Variants in PRKCB observed in about 807,000 individuals in gnomAD.
PRKCB encodes protein kinase C beta, also known as protein kinase C beta type.
In PRKCB, 13 loss-of-function variants were observed where a neutral mutation model predicts 81.5. The ratio of observed to expected loss-of-function variants is 0.16; its 90% CI spans 0.10 to 0.25. The LOEUF (loss-of-function observed/expected upper bound fraction) is 0.25, where lower values mean the gene tolerates loss of function less well. Ranked by LOEUF, PRKCB falls within the 10% of genes least tolerant of loss-of-function variation. PRKCB has a pLI of 1.00. For synonymous variants in PRKCB, 335 were observed against 321.4 expected, an observed-to-expected ratio of 1.04 and a Z score of -0.45; for missense variants, 509 against 875.7, an observed-to-expected ratio of 0.58 and a Z score of 5.29.
intron 7 of PRKCB, among the ~76,000 whole-genome samples, chr16:24,108,401 G>A (rs1313548787): frequency 1.4e-5 from 2 of 143,690 alleles, no homozygotes; most frequent in Non-Finnish European, 3.0e-5. Context: ...TTCTCACAGA[G>A]GGGGATTTGG....
chr16:24,096,446 T>C (rs1966439583), intron 7 of PRKCB, among the ~76,000 whole-genome samples: 1 of 151,792 alleles, frequency 6.6e-6, no homozygotes, highest in Non-Finnish European at 1.5e-5. Flanking sequence ...GTTCCATGAC[T>C]GGCTCCATGG....
In PRKCB at chr16:24,185,187, G is replaced by A; in HGVS notation, c.1610G>A (p.Gly537Glu). The change falls in exon 14 of 17, where the codon GGG (glycine) becomes GAG (glutamate). Residue 537 changes from glycine to glutamate, a missense_variant. Coordinates refer to ENST00000643927, the MANE Select transcript of PRKCB (RefSeq NM_002738.7). The stretch of plus-strand genomic sequence containing the variant: ...GTCCTGCTGTATGAAATGTTGGCTG[G>A]GCAGGTAATTGAATTTTAAGTGATC... ...FGVLLYEMLA[G>E]QAPFEGEDED... 6.2e-7 allele frequency: 1 copy of A among 1,613,602 alleles called. No individual in the cohort carries two copies. Among genetic ancestry groups the A allele is most frequent in the South Asian group, 1.1e-5 (1 of 91,038 alleles).
At chr16:23,896,029 T>C (rs1304374364) in intron 2 of PRKCB, among the ~76,000 whole-genome samples, 1 of 152,182 alleles carries the variant, frequency 6.6e-6, no homozygotes, top group Non-Finnish European at 1.5e-5. Context: ...CTATTTTTTC[T>C]TTAAATTATG....
At position 24,218,792 on chromosome 16, in the gene PRKCB, T is replaced by A; in HGVS notation, c.*3976T>A. 1 of 985,342 alleles carries A rather than the reference T, an allele frequency of 1.0e-6. No individual in the cohort carries two copies. The highest frequency in any genetic ancestry group is 1.2e-6 in the Non-Finnish European group (1 of 829,922). The allele number at this position is 985,342 out of a possible 1,614,324, so 61.0% of individuals were successfully genotyped here. A position where few individuals can be genotyped will look rare whatever the true frequency, so the allele number is the denominator to read the frequency against. Reference sequence around the variant, plus strand: ...GGCAACTTTGGCTGCAGCCCGGGAATGTGCAGGGCACTAGGGAATACAAGG... The same window carrying A: ...GGCAACTTTGGCTGCAGCCCGGGAAAGTGCAGGGCACTAGGGAATACAAGG... On this transcript the variant is annotated 3_prime_UTR_variant, in exon 17 of 17. Transcript: ENST00000643927.
At chr16:24,090,372 C>T (rs557352313) in intron 5 of PRKCB, among the ~76,000 whole-genome samples, 1 of 152,312 alleles carries the variant, frequency 6.6e-6, no homozygotes, top group East Asian at 1.9e-4. Flanking sequence ...CAACCCCTTA[C>T]TAGCTGTATC....
chr16:24,015,855 G>T (rs1965271320), intron 3 of PRKCB, among the ~76,000 whole-genome samples: 1 of 152,188 alleles, frequency 6.6e-6, no homozygotes, highest in South Asian at 2.1e-4. Flanking sequence ...AGCTGTAGTA[G>T]AAGGAATTGG....
intron 5 of PRKCB, among the ~76,000 whole-genome samples, chr16:24,079,956 C>T (rs1320553059): frequency 1.3e-5 from 2 of 152,074 alleles, no homozygotes; most frequent in East Asian, 3.9e-4. Context: ...TGTCAGTCGC[C>T]TTTTTCGTCA....
chr16:23,900,148 TG>T (rs1380869624), intron 2 of PRKCB, among the ~76,000 whole-genome samples: 3 of 152,206 alleles, frequency 2.0e-5, no homozygotes, highest in Non-Finnish European at 4.4e-5. Context: ...GGGATGCTAC[TG>T]AACAAAATAT....
intron 2 of PRKCB, among the ~76,000 whole-genome samples, chr16:23,929,562 T>A (rs997144133): frequency 4.6e-5 from 7 of 152,142 alleles, no homozygotes; most frequent in African/African-American, 1.7e-4. Context: ...GACCCCTCAG[T>A]ACATGTTAAC....
intron 2 of PRKCB, among the ~76,000 whole-genome samples, chr16:23,905,894 T>C (rs900514679): frequency 4.2e-5 from 6 of 143,614 alleles, no homozygotes; most frequent in African/African-American, 1.5e-4. Flanking sequence ...TAGAGCTGCC[T>C]CATACTCCTC....
chr16:23,839,279 CT>C (rs10657212), intron 2 of PRKCB, among the ~76,000 whole-genome samples: 4 of 137,118 alleles, frequency 2.9e-5, no homozygotes, highest in Admixed American at 7.5e-5. Context: ...ATAGGAGTGT[CT>C]TTTTTTTTTT....
chr16:24,076,030 G>A (rs969826989), intron 5 of PRKCB, among the ~76,000 whole-genome samples: 1 of 152,170 alleles, frequency 6.6e-6, no homozygotes, highest in African/African-American at 2.4e-5. Context: ...CCATGTTGGT[G>A]TGCTGCACCC....
intron 2 of PRKCB, among the ~76,000 whole-genome samples, chr16:23,968,980 C>T (rs543912809): frequency 2.0e-5 from 3 of 152,150 alleles, no homozygotes; most frequent in East Asian, 1.9e-4. Flanking sequence ...GACCAGCCTG[C>T]CCATCATGGT....
intron 2 of PRKCB, among the ~76,000 whole-genome samples, chr16:23,942,202 A>C (rs1408043054): frequency 6.6e-6 from 1 of 152,232 alleles, no homozygotes; most frequent in Non-Finnish European, 1.5e-5. Context: ...GGCCAGAGGA[A>C]GTACTGTAGT....
chr16:23,908,188 T>C (rs1963591779), intron 2 of PRKCB, among the ~76,000 whole-genome samples: 1 of 151,520 alleles, frequency 6.6e-6, no homozygotes, highest in African/African-American at 2.4e-5. Flanking sequence ...CCTCTGGAGA[T>C]TGGTGAGAGC....
chr16:24,213,853 G>A (rs147568196), intron 16 of PRKCB, among the ~76,000 whole-genome samples: 1 of 152,298 alleles, frequency 6.6e-6, no homozygotes, highest in African/African-American at 2.4e-5. Flanking sequence ...TCAGATGGGG[G>A]CCTTTTTAAT....
intron 2 of PRKCB, among the ~76,000 whole-genome samples, chr16:23,987,787 G>A (rs1263080149): frequency 6.6e-6 from 1 of 151,992 alleles, no homozygotes; most frequent in African/African-American, 2.4e-5. Context: ...GACTGTAAAA[G>A]ATGATTTGAA....
At chr16:24,040,416 G>A (rs1262282481) in intron 5 of PRKCB, among the ~76,000 whole-genome samples, 2 of 151,984 alleles carry the variant, frequency 1.3e-5, no homozygotes, top group Admixed American at 6.6e-5. Flanking sequence ...TCTCGATCTC[G>A]GTTCATTTTT....
intron 2 of PRKCB, among the ~76,000 whole-genome samples, chr16:23,972,971 G>GT (rs948305251): frequency 6.6e-6 from 1 of 152,112 alleles, no homozygotes; most frequent in Non-Finnish European, 1.5e-5. Context: ...TTAAGGTTTA[G>GT]TTTTTTCTTT....
Sources: allele counts gnomAD v4.1 joint callset (sites outside exome capture counted in the v4.1 genomes callset), GRCh38; gene constraint gnomAD v4.1.1; transcripts MANE v1.5; gene names NCBI Gene and HGNC (gene_info 2026-07-23, HGNC 2026-07-21).